COL11A1: variants seen among roughly 807,000 people sequenced by gnomAD.
The protein encoded by COL11A1 is collagen type XI alpha 1 chain, also known as collagen alpha-1(XI) chain.
A neutral mutation model predicts 265.2 loss-of-function variants in COL11A1; 74 were observed. That is an observed-to-expected ratio of 0.28 (90% confidence interval 0.23 to 0.34). The LOEUF is 0.34. COL11A1 is among the 10% of genes least tolerant of loss of function. COL11A1 has a pLI of 1.00. For missense variants in COL11A1, 2,165 were observed against 2,263.6 expected (o/e 0.96, Z 0.88); for synonymous variants, 816 against 727.6 (o/e 1.12, Z -1.96).
rs72987806 is a variant in COL11A1 at position 103,018,642 on chromosome 1, A to G, written c.1350+176T>C. On this transcript the variant is annotated intron_variant, in intron 10 of 66. Transcript: ENST00000370096. Reference sequence around the variant, plus strand: ...ATATTTAAAACAAAATTTAAAGAGTATTACTTGGATAGACAAATCAGAAGG... The same window carrying G: ...ATATTTAAAACAAAATTTAAAGAGTGTTACTTGGATAGACAAATCAGAAGG... Among the ~76,000 whole-genome samples the G allele has an allele frequency of 0.014, 2,073 of 152,294 alleles. 45 individuals carry two copies. The highest frequency in any genetic ancestry group is 0.047 in the African/African-American group (1,938 of 41,578).
At chr1:103,065,269 C>T (rs1477529984) in intron 4 of COL11A1, among the ~76,000 whole-genome samples, 1 of 152,014 alleles carries the variant, frequency 6.6e-6, no homozygotes, top group Non-Finnish European at 1.5e-5. Context: ...GCCTATAATC[C>T]CAGCACTTTG....
intron 39 of COL11A1, 43 bp from the exon 40 acceptor site, chr1:102,962,308 C>T (rs755406778): frequency 1.6e-5 from 23 of 1,450,298 alleles, no homozygotes; most frequent in Non-Finnish European, 2.1e-5. Flanking sequence ...TTAATTTCTA[C>T]ACATCTTTCT....
chr1:102,878,383 A>G lies in COL11A1; in HGVS notation c.5275-218T>C, dbSNP rs558800936. Among the ~76,000 whole-genome samples the G allele has an allele frequency of 1.2e-4, 17 of 146,682 alleles. No individual in the cohort carries two copies. The South Asian group carries it at 3.5e-3, about 30-fold the overall frequency. ...AATACTTAGCTGTAATTACTTAACT[A>G]TGATAGTGCTATATATTTTGTAATT... On this transcript the variant is annotated intron_variant, in intron 66 of 66. Transcript: ENST00000370096.
At chr1:103,002,646 CA>C (rs775427558) in intron 22 of COL11A1, 100 bp downstream of exon 22, 327 of 1,203,042 alleles carry the variant, frequency 2.7e-4, no homozygotes, top group South Asian at 3.9e-4. Flanking sequence ...ATATACTTAG[CA>C]AAATGTAATA....
chr1:103,027,396 AATATATATAT>A (rs57013059), intron 5 of COL11A1, among the ~76,000 whole-genome samples: 1,861 of 91,874 alleles, frequency 0.02, 31 homozygotes, highest in Admixed American at 0.029. Flanking sequence ...TTAAAACTCT[AATATATATAT>A]ATATATATAT....
chr1:102,902,272 G>A (rs577840713), intron 54 of COL11A1, among the ~76,000 whole-genome samples: 3 of 152,270 alleles, frequency 2.0e-5, no homozygotes, highest in East Asian at 3.9e-4. Flanking sequence ...TGAGTATGTG[G>A]TGACTTGAGA....
intron 43 of COL11A1, 73 bp downstream of exon 43, chr1:102,940,254 A>T: frequency 1.6e-6 from 2 of 1,212,638 alleles, no homozygotes; most frequent in Non-Finnish European, 2.5e-6. Context: ...CATAAAGATT[A>T]GAATTATCTA....
chr1:102,921,167 C>T (rs1655950579), intron 48 of COL11A1, among the ~76,000 whole-genome samples: 1 of 152,078 alleles, frequency 6.6e-6, no homozygotes, highest in Admixed American at 6.6e-5. Flanking sequence ...ACATGAAAGC[C>T]ACTGTTAACA....
At chr1:102,896,590 A>G (rs1326340271) in intron 57 of COL11A1, among the ~76,000 whole-genome samples, 6 of 152,180 alleles carry the variant, frequency 3.9e-5, no homozygotes, top group Admixed American at 3.9e-4. Context: ...GTGCCCATGC[A>G]GCCCACTTCT....
chr1:102,975,715 T>C (rs943270659), intron 35 of COL11A1, among the ~76,000 whole-genome samples: 5 of 152,130 alleles, frequency 3.3e-5, no homozygotes, highest in African/African-American at 9.7e-5. Context: ...TTATGAAAGA[T>C]AACATAAGTA....
intron 54 of COL11A1, among the ~76,000 whole-genome samples, chr1:102,911,452 T>C (rs566493669): frequency 2.0e-5 from 3 of 152,274 alleles, no homozygotes; most frequent in Non-Finnish European, 4.4e-5. Context: ...TATATTTTGA[T>C]GTTTATCACA....
At chr1:102,922,893 T>C (rs1410480085) in intron 47 of COL11A1, among the ~76,000 whole-genome samples, 4 of 152,132 alleles carry the variant, frequency 2.6e-5, no homozygotes, top group African/African-American at 9.7e-5. Flanking sequence ...ACTTAAGACA[T>C]GCAGTCATCA....
intron 4 of COL11A1, among the ~76,000 whole-genome samples, chr1:103,071,834 T>C (rs114849804): frequency 0.052 from 7,805 of 150,026 alleles, 223 homozygotes; most frequent in Middle Eastern, 0.096. Context: ...ATAATTAAGT[T>C]AACATACAAC....
chr1:102,911,446 T>C (rs547859172), intron 54 of COL11A1, among the ~76,000 whole-genome samples: 1 of 152,240 alleles, frequency 6.6e-6, no homozygotes, highest in African/African-American at 2.4e-5. Flanking sequence ...CATAAATATA[T>C]TTTGATGTTT....
chr1:103,030,872 C>T (rs1667929507), intron 5 of COL11A1: 17 of 469,644 alleles, frequency 3.6e-5, no homozygotes, highest in South Asian at 3.5e-4. Context: ...GGAATATGTG[C>T]ATATACACAG....
chr1:102,971,553 T>G (rs1661981118), intron 36 of COL11A1, among the ~76,000 whole-genome samples: 1 of 152,194 alleles, frequency 6.6e-6, no homozygotes, highest in Admixed American at 6.5e-5. Flanking sequence ...AATAAAATTG[T>G]TTTTGAACAT....
chr1:103,018,258 C>T (rs1218811665), intron 10 of COL11A1, among the ~76,000 whole-genome samples: 1 of 152,022 alleles, frequency 6.6e-6, no homozygotes, highest in Admixed American at 6.6e-5. Context: ...ATTATGTTTC[C>T]TTTTATGGGT....
rs568687119 is a variant in COL11A1, at chr1:102,880,181, C to T, written c.5041-265G>A. On this transcript the variant is annotated intron_variant, in intron 65 of 66. Coordinates refer to ENST00000370096, the MANE Select transcript of COL11A1 (RefSeq NM_001854.4). The stretch of plus-strand genomic sequence containing the variant: ...TATCTCTAAGTCTTAGTTTCCTAAA[C>T]AGTAAACACTATAAAAAATGCTTTA... 3.3e-5 allele frequency among the ~76,000 whole-genome samples: 5 copies of T among 152,022 alleles called. No individual in the cohort carries two copies. The East Asian group carries it at 5.8e-4, about 18-fold the overall frequency.
At chr1:102,950,612 C>T (rs1207101764) in intron 41 of COL11A1, among the ~76,000 whole-genome samples, 1 of 152,180 alleles carries the variant, frequency 6.6e-6, no homozygotes, top group African/African-American at 2.4e-5. Context: ...ACATCTCTCA[C>T]TGTCTCTCTA....
Sources: gnomAD v4.1 joint callset for allele counts (sites outside exome capture counted in the v4.1 genomes callset) on GRCh38, gnomAD v4.1.1 for gene constraint, MANE v1.5 for transcripts, NCBI Gene and HGNC (gene_info 2026-07-23, HGNC 2026-07-21) for gene names.